IDO2: variants seen among roughly 807,000 people sequenced by gnomAD.
The protein encoded by IDO2 is indoleamine 2,3-dioxygenase-like 1 protein.
IDO2 carries 46 observed loss-of-function variants against 45.1 expected under a neutral mutation model. The ratio of observed to expected loss-of-function variants is 1.02; its 90% CI spans 0.80 to 1.30. The LOEUF is 1.30. Among genes scored for constraint, IDO2 ranks in the 50% most tolerant of loss-of-function variants. The pLI is 0.00. For synonymous variants in IDO2, 218 were observed against 184.9 expected (o/e 1.18, Z -1.45); for missense variants, 544 against 491.8 (o/e 1.11, Z -1.00).
chr8:39,987,318 T>A (rs1376012203), intron 6 of IDO2: 1 of 152,250 alleles, frequency 6.6e-6, no homozygotes, highest in African/African-American at 2.4e-5. Context: ...CTCGTTTCTT[T>A]ATAAATTACC....
chr8:39,969,624 C>T (rs1808149706), intron 3 of IDO2, among the ~76,000 whole-genome samples: 1 of 152,218 alleles, frequency 6.6e-6, no homozygotes, highest in Admixed American at 6.5e-5. Flanking sequence ...CCTCTAATCC[C>T]AGCACTTTGG....
chr8:40,013,460 A>C, intron 9 of IDO2, 105 bp from the exon 10 acceptor site: 1 of 1,149,374 alleles, frequency 8.7e-7, no homozygotes, highest in South Asian at 1.5e-5. Flanking sequence ...TAAAATTACC[A>C]TTGAAATCAT....
At chr8:39,951,573 A>G (rs865810274) in intron 2 of IDO2, among the ~76,000 whole-genome samples, 20 of 152,188 alleles carry the variant, frequency 1.3e-4, no homozygotes, top group African/African-American at 4.8e-4. Flanking sequence ...CATTTACTGG[A>G]TGGAGATCTG....
At chr8:40,016,142 G>T (rs1802384901) in exon 11 of IDO2, 1 of 395,140 alleles carries the variant, frequency 2.5e-6, no homozygotes. Context: ...TGACAATAAG[G>T]ACTTGGAAGT....
At chr8:39,946,866 G>A (rs531747562) in intron 1 of IDO2, among the ~76,000 whole-genome samples, 10 of 151,674 alleles carry the variant, frequency 6.6e-5, no homozygotes, top group African/African-American at 2.4e-4. Context: ...TTGTTTGGTA[G>A]GAGAGGGTTG....
chr8:39,937,846 AC>A (rs1807581150), intron 1 of IDO2, among the ~76,000 whole-genome samples: 1 of 152,212 alleles, frequency 6.6e-6, no homozygotes, highest in Admixed American at 6.5e-5. Context: ...TAATGAGACA[AC>A]AAAGATCAAG....
intron 5 of IDO2, among the ~76,000 whole-genome samples, chr8:39,984,733 A>T (rs529628901): frequency 1.3e-5 from 2 of 152,200 alleles, no homozygotes; most frequent in East Asian, 3.9e-4. Context: ...AATGTCAAAG[A>T]GTGACTCAAA....
chr8:39,962,641 C>G (rs987507141), intron 2 of IDO2, among the ~76,000 whole-genome samples: 1 of 152,126 alleles, frequency 6.6e-6, no homozygotes, highest in Non-Finnish European at 1.5e-5. Flanking sequence ...AAGGGGAGTT[C>G]TCTGCAAAGA....
chr8:39,989,598 G>A (rs73621315), intron 7 of IDO2, 123 bp from the exon 8 acceptor site: 347 of 682,886 alleles, frequency 5.1e-4, no homozygotes, highest in African/African-American at 1.8e-3. Context: ...AGCTTAGGAC[G>A]TTCCCAGGAA....
At chr8:39,993,749 C>A (rs1801984804) in intron 8 of IDO2, among the ~76,000 whole-genome samples, 1 of 152,112 alleles carries the variant, frequency 6.6e-6, no homozygotes, top group African/African-American at 2.4e-5. Flanking sequence ...GTGGCTGAAG[C>A]CTGTAATCCC....
rs1040004538 is a variant in IDO2, at chr8:40,005,433, G to A, written c.719+55G>A. On this transcript the variant is annotated intron_variant, in intron 9 of 10. Coordinates refer to ENST00000502986, the Ensembl canonical transcript of IDO2. ...GAAGTCTCTGTAGCATTGACTGAAT[G>A]TATAAGGGGACGAAGAGACAGAAGC... 1.0e-5 allele frequency: 12 copies of A among 1,163,420 alleles called. No homozygotes were observed. The Admixed American group carries it at 1.4e-4, about 13-fold the overall frequency. The allele number at this position is 1,163,420 out of a possible 1,614,324, so 72.1% of individuals were successfully genotyped here.
intron 2 of IDO2, among the ~76,000 whole-genome samples, chr8:39,949,732 G>A (rs568601093): frequency 7.2e-4 from 109 of 152,254 alleles, no homozygotes; most frequent in Non-Finnish European, 1.2e-3. Flanking sequence ...CCCCAGGAGC[G>A]CTTACTTATA....
chr8:39,987,051 T>A (rs753346217), intron 6 of IDO2: 1 of 152,112 alleles, frequency 6.6e-6, no homozygotes, highest in Non-Finnish European at 1.5e-5. Context: ...AGTTTCACCA[T>A]GTTGGCCAGG....
At chr8:39,959,967 A>C (rs556101562) in intron 2 of IDO2, among the ~76,000 whole-genome samples, 46 of 152,216 alleles carry the variant, frequency 3.0e-4, no homozygotes, top group African/African-American at 1.1e-3. Context: ...CGATAGAGTG[A>C]AACTGTGTCT....
At chr8:39,965,750 T>C (rs1808075560) in intron 3 of IDO2, among the ~76,000 whole-genome samples, 1 of 151,372 alleles carries the variant, frequency 6.6e-6, no homozygotes, top group African/African-American at 2.4e-5. Flanking sequence ...AAGATGGAGG[T>C]AGAATTGGAA....
chr8:39,946,369 G>A (rs1478270116), intron 1 of IDO2, among the ~76,000 whole-genome samples: 3 of 152,174 alleles, frequency 2.0e-5, no homozygotes, highest in African/African-American at 7.2e-5. Flanking sequence ...CAGCACTTTG[G>A]GAGGCCAAGG....
At chr8:39,955,602 T>C (rs1379397174) in intron 2 of IDO2, among the ~76,000 whole-genome samples, 1 of 152,032 alleles carries the variant, frequency 6.6e-6, no homozygotes, top group African/African-American at 2.4e-5. Context: ...ACAGAGAAAG[T>C]TGAATACTCT....
chr8:39,970,826 A>G (rs191248955), intron 3 of IDO2, among the ~76,000 whole-genome samples: 3 of 133,900 alleles, frequency 2.2e-5, no homozygotes, highest in East Asian at 2.4e-4. Flanking sequence ...GAGTGCAGTG[A>G]TGCGATCTCA....
intron 1 of IDO2, among the ~76,000 whole-genome samples, chr8:39,945,218 G>T (rs61318516): frequency 6.2e-4 from 95 of 152,362 alleles, no homozygotes; most frequent in African/African-American, 2.2e-3. Context: ...AGGGTCAGAA[G>T]AATAAGACAG....
Sources: allele counts gnomAD v4.1 joint callset (sites outside exome capture counted in the v4.1 genomes callset), GRCh38; gene constraint gnomAD v4.1.1; transcripts MANE v1.5; gene names NCBI Gene and HGNC (gene_info 2026-07-23, HGNC 2026-07-21).